RPRD1A: variants seen among roughly 807,000 people sequenced by gnomAD.
RPRD1A encodes the protein regulation of nuclear pre-mRNA domain-containing protein 1A.
In RPRD1A, 9 loss-of-function variants were observed where a neutral mutation model predicts 37.8. That is an observed-to-expected ratio of 0.24 (90% CI 0.14 to 0.42). The LOEUF is 0.42. Among genes scored for constraint, RPRD1A ranks in the 10% least tolerant of loss-of-function variants. RPRD1A has a pLI of 1.00. For synonymous variants in RPRD1A, 138 were observed against 139.7 expected (o/e 0.99, Z 0.08); for missense variants, 255 against 371.0 (o/e 0.69, Z 2.57).
chr18:36,008,589 A>ATATATATATATATATATCTC lies in RPRD1A; in HGVS notation c.790-15290_790-15289insGAGATATATATATATATATA, dbSNP rs71381561. Among the ~76,000 whole-genome samples, 62 of 90,812 alleles carry ATATATATATATATATATCTC rather than the reference A, an allele frequency of 6.8e-4. 7 individuals carry two copies. The highest frequency in any genetic ancestry group is 6.8e-3 in the Middle Eastern group (1 of 148). 59.6% of individuals were successfully genotyped at this position (90,812 alleles called of 152,430 possible). On this transcript the variant is annotated intron_variant, in intron 6 of 6. Coordinates refer to ENST00000399022, the MANE Select transcript of RPRD1A (RefSeq NM_018170.5). Reference sequence around the variant, plus strand: ...AGACCTTGTGTGTGTATATATATATATCTTTAAAAATCTCTCTAGGAAAAA... The same window carrying ATATATATATATATATATCTC: ...AGACCTTGTGTGTGTATATATATATATATATATATATATATATCTCTCTTTAAAAATCTCTCTAGGAAAAA...
intron 6 of RPRD1A, among the ~76,000 whole-genome samples, chr18:35,994,863 T>C (rs1482453038): frequency 1.3e-5 from 2 of 152,190 alleles, no homozygotes; most frequent in African/African-American, 4.8e-5. Context: ...AACTTTATTT[T>C]TTGTGGTTTT....
chr18:36,046,832 G>C (rs1240892924), intron 1 of RPRD1A, among the ~76,000 whole-genome samples: 3 of 129,580 alleles, frequency 2.3e-5, no homozygotes, highest in Non-Finnish European at 4.9e-5. Context: ...GAGCCCATCT[G>C]AAAAAAAAAA....
chr18:36,056,175 A>T (rs966659194), intron 1 of RPRD1A, among the ~76,000 whole-genome samples: 4 of 152,224 alleles, frequency 2.6e-5, no homozygotes, highest in Non-Finnish European at 5.9e-5. Context: ...ATCATTTTTT[A>T]AAATGAAGCA....
At chr18:36,003,808 TG>T (rs1318837994) in intron 6 of RPRD1A, among the ~76,000 whole-genome samples, 1 of 152,076 alleles carries the variant, frequency 6.6e-6, no homozygotes, top group South Asian at 2.1e-4. Context: ...TGTTTCTGTT[TG>T]TTTTTTTAAG....
chr18:36,014,086 T>C (rs1323311242), intron 6 of RPRD1A, among the ~76,000 whole-genome samples: 1 of 152,178 alleles, frequency 6.6e-6, no homozygotes, highest in Non-Finnish European at 1.5e-5. Context: ...CATACATATA[T>C]AAAAGAATAT....
chr18:36,041,221 A>C (rs1246807544), intron 1 of RPRD1A, among the ~76,000 whole-genome samples: 2 of 152,214 alleles, frequency 1.3e-5, no homozygotes, highest in Non-Finnish European at 2.9e-5. Flanking sequence ...TTCATTAATA[A>C]TCCCCACGTA....
Position 36,033,751 on chromosome 18 carries a change from C to A in RPRD1A, c.238G>T (p.Asp80Tyr). The A allele has an allele frequency of 6.2e-7, 1 of 1,613,408 alleles. No individual in the cohort carries two copies. The highest frequency in any genetic ancestry group is 8.5e-7 in the Non-Finnish European group (1 of 1,179,570). Residue 80 changes from aspartate (D) to tyrosine (Y), a missense_variant, in exon 2 of 7, where the codon GAT becomes TAT. Physicochemically the swap from Asp to Tyr is radical, Grantham distance 160 (BLOSUM62 -3). Around this residue, in one of 2 missense-constraint regions of RPRD1A, gnomAD observed 44 missense variants for 102.1 expected, o/e 0.43. Transcript: ENST00000399022. Reference sequence around the variant, plus strand: ...GCCTCCACTATAACTGGTGCAAAATCTTTTGTAAACTCTGGCCCCTTCCTC... The same window carrying A: ...GCCTCCACTATAACTGGTGCAAAATATTTTGTAAACTCTGGCCCCTTCCTC... ...SKRKGPEFTK[D>Y]FAPVIVEAFK...
Position 36,026,918 on chromosome 18 carries a change from C to T in RPRD1A, c.771G>A (p.Glu257=), listed in dbSNP as rs1367146176. 20 of 1,613,444 alleles carry T rather than the reference C, an allele frequency of 1.2e-5. No individual in the cohort carries two copies. In the East Asian group the frequency reaches 4.5e-4, roughly 36 times the overall value. The change falls in exon 6 of 7, where the codon GAG becomes GAA. Residue 257 remains glutamate (E), a synonymous_variant. Transcript: ENST00000399022. ...FLRCQKEALA[E]KEHKLEEYKR... ...TACGCACTTCCAATTTATGCTCTTT[C>T]TCTGCAAGGGCTTCCTTTTGACAAC... is the stretch of plus-strand genomic sequence containing the variant.
intron 1 of RPRD1A, among the ~76,000 whole-genome samples, chr18:36,060,117 T>C (rs912559713): frequency 1.1e-4 from 17 of 152,248 alleles, no homozygotes; most frequent in Admixed American, 6.5e-4. Flanking sequence ...TATATTGCTA[T>C]ATATTTTTAA....
rs973679902 is a variant in RPRD1A, at chr18:36,060,024, A to C, written c.151+7230T>G. The stretch of plus-strand genomic sequence containing the variant: ...ACTTACTTTTTCAATTCTAACTCTG[A>C]AAGAGAAACAAGTAACAGTATCAGA... On this transcript the variant is annotated intron_variant, in intron 1 of 6. Coordinates refer to ENST00000399022, the MANE Select transcript of RPRD1A (RefSeq NM_018170.5). 2.0e-5 allele frequency among the ~76,000 whole-genome samples: 3 copies of C among 152,350 alleles called. No individual in the cohort carries two copies. The East Asian group carries it at 5.8e-4, about 29-fold the overall frequency.
intron 1 of RPRD1A, among the ~76,000 whole-genome samples, chr18:36,036,866 C>G (rs1226907107): frequency 6.6e-6 from 1 of 152,170 alleles, no homozygotes; most frequent in African/African-American, 2.4e-5. Context: ...CTGTTGGCAA[C>G]AAAGAATGTA....
intron 1 of RPRD1A, among the ~76,000 whole-genome samples, chr18:36,060,869 C>T (rs972636952): frequency 5.3e-5 from 8 of 152,056 alleles, no homozygotes; most frequent in African/African-American, 7.3e-5. Context: ...TAGTGTGCAC[C>T]TGTAGTCCCA....
At chr18:36,025,813 C>A in intron 6 of RPRD1A, 1 of 304,892 alleles carries the variant, frequency 3.3e-6, no homozygotes, top group Admixed American at 4.9e-5. Flanking sequence ...GGTTTCATCA[C>A]AAGGTGAAAT....
intron 1 of RPRD1A, among the ~76,000 whole-genome samples, chr18:36,035,203 T>A (rs1344150891): frequency 6.6e-6 from 1 of 152,228 alleles, no homozygotes; most frequent in African/African-American, 2.4e-5. Context: ...TAGATTGGTA[T>A]TGTTCAATCC....
chr18:36,044,752 C>T (rs1200195328), intron 1 of RPRD1A, among the ~76,000 whole-genome samples: 1 of 151,714 alleles, frequency 6.6e-6, no homozygotes, highest in African/African-American at 2.4e-5. Context: ...CAAATAAAAG[C>T]AGGAAATGCA....
intron 6 of RPRD1A, among the ~76,000 whole-genome samples, chr18:36,012,541 C>T (rs941256407): frequency 2.0e-5 from 3 of 152,180 alleles, no homozygotes; most frequent in African/African-American, 7.2e-5. Context: ...AAGCAATAGG[C>T]TATACCATAA....
chr18:36,030,703 A>G, intron 4 of RPRD1A, 105 bp downstream of exon 4: 1 of 668,800 alleles, frequency 1.5e-6, no homozygotes, highest in Admixed American at 3.1e-5. Context: ...CTTGTACCTA[A>G]AAGTATAATA....
intron 6 of RPRD1A, among the ~76,000 whole-genome samples, chr18:36,021,691 C>T (rs1004586491): frequency 1.3e-5 from 2 of 152,126 alleles, no homozygotes; most frequent in African/African-American, 2.4e-5. Context: ...GCAAAGTTCT[C>T]GAAGGAAACT....
intron 2 of RPRD1A, among the ~76,000 whole-genome samples, 183 bp from the exon 3 acceptor site, chr18:36,031,280 G>T (rs1911770829): frequency 6.6e-6 from 1 of 152,124 alleles, no homozygotes; most frequent in Non-Finnish European, 1.5e-5. Context: ...TAGACACACT[G>T]CTTGCTTCTA....
Sources: allele counts gnomAD v4.1 joint callset (sites outside exome capture counted in the v4.1 genomes callset), GRCh38; gene constraint gnomAD v4.1.1; regional missense constraint gnomAD v4.1.1; transcripts MANE v1.5; gene names NCBI Gene and HGNC (gene_info 2026-07-23, HGNC 2026-07-21).